The following SYTL3 variants were observed in gnomAD, a reference collection of about 807,000 sequenced individuals.
SYTL3 encodes the protein synaptotagmin like 3, also known as synaptotagmin-like protein 3.
Under a neutral mutation model 82.1 loss-of-function variants are expected in SYTL3, and 88 were observed. That is an observed-to-expected ratio of 1.07 (90% CI 0.90 to 1.28). The LOEUF (loss-of-function observed/expected upper bound fraction) is 1.28, where lower values mean the gene tolerates loss of function less well. SYTL3 is among the 50% of genes most tolerant of loss of function. The probability of loss-of-function intolerance (pLI) is 0.00; values close to 1 mark genes in which losing one functional copy is unlikely to be tolerated. For missense variants in SYTL3, 831 were observed against 757.6 expected, an observed-to-expected ratio of 1.10 and a Z score of -1.14; for synonymous variants, 311 against 289.4, an observed-to-expected ratio of 1.07 and a Z score of -0.76.
chr6:158,678,955 G>A (rs1778356341), intron 5 of SYTL3, among the ~76,000 whole-genome samples: 1 of 152,198 alleles, frequency 6.6e-6, no homozygotes, highest in Admixed American at 6.5e-5. Context: ...AGAAGTGCTA[G>A]ATGCTTTCTT....
At chr6:158,651,459 G>A (rs1297829132) in intron 1 of SYTL3, among the ~76,000 whole-genome samples, 2 of 152,020 alleles carry the variant, frequency 1.3e-5, no homozygotes, top group African/African-American at 2.4e-5. Flanking sequence ...GTGGTGGCGG[G>A]CGCCTGTAGT....
intron 6 of SYTL3, among the ~76,000 whole-genome samples, chr6:158,702,494 A>G (rs1342347069): frequency 1.3e-5 from 2 of 151,650 alleles, no homozygotes; most frequent in Non-Finnish European, 2.9e-5. Flanking sequence ...GTGAGCTATG[A>G]TCACAGCACT....
chr6:158,648,361 G>A (rs920206976), upstream of SYTL3, among the ~76,000 whole-genome samples: 1 of 152,130 alleles, frequency 6.6e-6, no homozygotes, highest in Non-Finnish European at 1.5e-5. Flanking sequence ...GGAGGCCGAG[G>A]CGGGCGGATC....
chr6:158,737,684 C>T (rs891386583), intron 11 of SYTL3, among the ~76,000 whole-genome samples: 1 of 152,226 alleles, frequency 6.6e-6, no homozygotes, highest in Admixed American at 6.5e-5. Flanking sequence ...GTAACCTGCT[C>T]AAAGGCTCTG....
intron 13 of SYTL3, among the ~76,000 whole-genome samples, chr6:158,754,692 C>T (rs1470869455): frequency 6.6e-6 from 1 of 152,220 alleles, no homozygotes; most frequent in Admixed American, 6.5e-5. Context: ...TGCACTCCAG[C>T]CTGGGCGACA....
intron 11 of SYTL3, among the ~76,000 whole-genome samples, chr6:158,738,651 TA>T (rs1786514510): frequency 2.0e-5 from 3 of 152,152 alleles, no homozygotes; most frequent in Non-Finnish European, 1.5e-5. Flanking sequence ...CCACCTCAGC[TA>T]ATCTTTTTAT....
At position 158,731,603 on chromosome 6, in the gene SYTL3, G is replaced by A. The variant is rs560150983; in HGVS notation, c.855+5966G>A. ...CATCTTATAACTAATTTTTGTTGTC[G>A]TTGTTGTTGAGATGGTGTCTCGCTC... On this transcript the variant is annotated intron_variant, in intron 11 of 17. Coordinates refer to ENST00000611299, the MANE Select transcript of SYTL3 (RefSeq NM_001242394.2). Among the ~76,000 whole-genome samples, 80 of 151,750 alleles carry A rather than the reference G, an allele frequency of 5.3e-4. 2 individuals are homozygous for A. The South Asian group carries it at 0.014, about 26-fold the overall frequency.
intron 11 of SYTL3, among the ~76,000 whole-genome samples, chr6:158,733,670 G>A (rs1042365956): frequency 6.6e-6 from 1 of 152,058 alleles, no homozygotes; most frequent in African/African-American, 2.4e-5. Context: ...AGCCAGTCAG[G>A]TTTTAATTTA....
At chr6:158,710,949 T>G (rs890702632) in intron 8 of SYTL3, among the ~76,000 whole-genome samples, 1 of 152,062 alleles carries the variant, frequency 6.6e-6, no homozygotes, top group African/African-American at 2.4e-5. Context: ...CCCAGCTAAT[T>G]TGTTTTGTAT....
chr6:158,759,060 TC>T (rs1186606687), intron 14 of SYTL3, among the ~76,000 whole-genome samples: 2 of 152,048 alleles, frequency 1.3e-5, no homozygotes, highest in African/African-American at 2.4e-5. Flanking sequence ...CGAGGCTGAA[TC>T]CCCCGTGCAC....
intron 5 of SYTL3, among the ~76,000 whole-genome samples, chr6:158,669,124 T>C (rs536399891): frequency 8.5e-5 from 13 of 152,348 alleles, no homozygotes; most frequent in Admixed American, 4.6e-4. Flanking sequence ...GTAACAATTA[T>C]GTTGAAATAT....
chr6:158,663,472 A>G lies in SYTL3; in HGVS notation c.110+94A>G, dbSNP rs1312152526. 3 of 1,531,230 alleles carry G rather than the reference A, an allele frequency of 2.0e-6. No homozygotes were observed. In the African/African-American group the frequency reaches 4.1e-5, roughly 21 times the overall value. The allele number at this position is 1,531,230 out of a possible 1,614,324, so 94.9% of individuals were successfully genotyped here. ...CGCCAATGCTGTTTGCTTACAAATCACTACCCACCTGCTGCTGGGCTTCGT... is the reference window on the plus strand; with the variant it reads ...CGCCAATGCTGTTTGCTTACAAATCGCTACCCACCTGCTGCTGGGCTTCGT... On this transcript the variant is annotated intron_variant, in intron 4 of 17. Coordinates refer to ENST00000611299, the MANE Select transcript of SYTL3 (RefSeq NM_001242394.2).
chr6:158,761,684 C>T (rs927397374), intron 15 of SYTL3, among the ~76,000 whole-genome samples: 10 of 152,218 alleles, frequency 6.6e-5, no homozygotes, highest in African/African-American at 2.4e-4. Context: ...CCCAAGTTCA[C>T]GGGGTCACCA....
intron 6 of SYTL3, among the ~76,000 whole-genome samples, chr6:158,693,844 C>CTTTTACTTTTTTTTTTTTTTTTTTTTTTT (rs763990639): frequency 9.0e-5 from 5 of 55,608 alleles, no homozygotes; most frequent in Admixed American, 1.6e-4. Flanking sequence ...TCCAGCCTTT[C>CTTTTACTTTTTTTTTTTTTTTTTTTTTTT]TTTTTCTTTT....
intron 10 of SYTL3, among the ~76,000 whole-genome samples, chr6:158,723,767 A>T (rs937218646): frequency 6.6e-6 from 1 of 152,128 alleles, no homozygotes; most frequent in African/African-American, 2.4e-5. Context: ...CCTCTGGCAC[A>T]CCTTCATTCT....
intron 17 of SYTL3, among the ~76,000 whole-genome samples, chr6:158,764,170 C>T (rs1583536193): frequency 6.6e-6 from 1 of 152,262 alleles, no homozygotes; most frequent in Non-Finnish European, 1.5e-5. Context: ...GAGACGGCCC[C>T]ACCCAGCTAG....
chr6:158,728,466 T>C (rs1383490527), intron 11 of SYTL3, among the ~76,000 whole-genome samples: 1 of 152,234 alleles, frequency 6.6e-6, no homozygotes, highest in African/African-American at 2.4e-5. Context: ...GATCTCTTCG[T>C]CTGTCCTTAT....
chr6:158,689,007 T>C (rs1779577532), intron 6 of SYTL3, among the ~76,000 whole-genome samples: 1 of 152,264 alleles, frequency 6.6e-6, no homozygotes, highest in South Asian at 2.1e-4. Context: ...TATCATTGGC[T>C]ATATGATTTC....
At chr6:158,681,292 T>G (rs1778662117) in intron 5 of SYTL3, among the ~76,000 whole-genome samples, 1 of 152,152 alleles carries the variant, frequency 6.6e-6, no homozygotes, top group South Asian at 2.1e-4. Flanking sequence ...AAACCCATGT[T>G]AGGACGTCAG....
Sources: gnomAD v4.1 joint callset for allele counts (sites outside exome capture counted in the v4.1 genomes callset) on GRCh38, gnomAD v4.1.1 for gene constraint, MANE v1.5 for transcripts, NCBI Gene and HGNC (gene_info 2026-07-23, HGNC 2026-07-21) for gene names.